The following ANO6 variants were observed in gnomAD, a reference collection of about 807,000 sequenced individuals.
ANO6 encodes the protein anoctamin 6.
In ANO6, 106 loss-of-function variants were observed where a neutral mutation model predicts 117.5. That is an observed-to-expected ratio of 0.90 (90% CI 0.77 to 1.06). The LOEUF (loss-of-function observed/expected upper bound fraction) is 1.06, where lower values mean the gene tolerates loss of function less well. Among genes scored for constraint, ANO6 ranks in the 50% least tolerant of loss-of-function variants. The probability of loss-of-function intolerance (pLI) is 0.00; values close to 1 mark genes in which losing one functional copy is unlikely to be tolerated. For synonymous variants in ANO6, 367 were observed against 385.1 expected, an observed-to-expected ratio of 0.95 and a Z score of 0.55; for missense variants, 955 against 1,121.1, an observed-to-expected ratio of 0.85 and a Z score of 2.12.
chr12:45,359,730 A>C (rs1941505193), intron 8 of ANO6, among the ~76,000 whole-genome samples: 1 of 152,226 alleles, frequency 6.6e-6, no homozygotes, highest in Non-Finnish European at 1.5e-5. Flanking sequence ...GGTTATTATG[A>C]ATAATTCTGC....
chr12:45,342,197 C>G (rs1451652878), intron 3 of ANO6, among the ~76,000 whole-genome samples: 1 of 152,140 alleles, frequency 6.6e-6, no homozygotes, highest in African/African-American at 2.4e-5. Context: ...TTTGTTGGAA[C>G]AAAATCCGAG....
In ANO6 at chr12:45,386,198, G is replaced by A. The variant is rs191706120; in HGVS notation, c.1166-1963G>A. Among the ~76,000 whole-genome samples, 676 of 152,274 alleles carry A rather than the reference G, an allele frequency of 4.4e-3. 6 individuals carry two copies. Among genetic ancestry groups the A allele is most frequent in the African/African-American group, 0.015 (624 of 41,556 alleles). ...CCCTGGTCCTTCTTACCTGCAGCCA[G>A]GGTGTGATTACTACCCTGCATCTCA... On this transcript the variant is annotated intron_variant, in intron 10 of 19. Coordinates refer to ENST00000320560, the MANE Select transcript of ANO6 (RefSeq NM_001025356.3).
chr12:45,398,332 A>G (rs986339752), intron 12 of ANO6, among the ~76,000 whole-genome samples: 1 of 152,364 alleles, frequency 6.6e-6, no homozygotes, highest in African/African-American at 2.4e-5. Flanking sequence ...CTCACATTAA[A>G]GTGAGATATG....
chr12:45,285,762 C>G (rs1938893993), intron 1 of ANO6, among the ~76,000 whole-genome samples: 1 of 151,914 alleles, frequency 6.6e-6, no homozygotes, highest in Non-Finnish European at 1.5e-5. Context: ...AAAAAAGGCT[C>G]CCAAGTAATT....
chr12:45,367,854 T>G, intron 9 of ANO6, 61 bp downstream of exon 9: 1 of 1,199,326 alleles, frequency 8.3e-7, no homozygotes, highest in Non-Finnish European at 1.2e-6. Flanking sequence ...AATGCTAATT[T>G]AGATAAAACA....
chr12:45,284,772 T>C (rs767996401), intron 1 of ANO6, among the ~76,000 whole-genome samples: 9 of 152,200 alleles, frequency 5.9e-5, no homozygotes, highest in Non-Finnish European at 1.0e-4. Flanking sequence ...ATGATAGTTA[T>C]TATGTGTGAA....
At chr12:45,224,000 T>G (rs745529666) in intron 1 of ANO6, among the ~76,000 whole-genome samples, 2 of 152,198 alleles carry the variant, frequency 1.3e-5, no homozygotes, top group African/African-American at 4.8e-5. Context: ...CCCCCAGTTA[T>G]CTGTTCTAAA....
At chr12:45,217,767 GATGATTAC>G (rs1386735561) in intron 1 of ANO6, among the ~76,000 whole-genome samples, 3 of 152,186 alleles carry the variant, frequency 2.0e-5, no homozygotes, top group Non-Finnish European at 4.4e-5. Flanking sequence ...AGTAGTACCT[GATGATTAC>G]ATAAAAATAT....
chr12:45,263,346 AAC>A (rs1938107965), intron 1 of ANO6, among the ~76,000 whole-genome samples: 1 of 148,394 alleles, frequency 6.7e-6, no homozygotes, highest in Non-Finnish European at 1.5e-5. Context: ...CTGGGACTAC[AAC>A]CATCATGCCT....
chr12:45,290,337 C>T (rs891361979), intron 1 of ANO6, among the ~76,000 whole-genome samples: 7 of 151,950 alleles, frequency 4.6e-5, no homozygotes, highest in Non-Finnish European at 1.0e-4. Flanking sequence ...ATCAGGCCTA[C>T]TCTGATAGGT....
At chr12:45,314,545 C>T (rs1487704103) in intron 2 of ANO6, among the ~76,000 whole-genome samples, 1 of 150,488 alleles carries the variant, frequency 6.6e-6, no homozygotes, top group Non-Finnish European at 1.5e-5. Flanking sequence ...TATATATACA[C>T]ATATATGTGT....
Position 45,322,639 on chromosome 12 carries a change from A to G in ANO6, c.151-8656A>G, listed in dbSNP as rs541025411. Among the ~76,000 whole-genome samples the G allele has an allele frequency of 3.2e-4, 48 of 152,266 alleles. No individual in the cohort carries two copies. The South Asian group carries it at 1.0e-2, about 32-fold the overall frequency. On this transcript the variant is annotated intron_variant, in intron 2 of 19. Transcript: ENST00000320560. ...ATGCAAGGAGACCAGTGGGTTGTTAATTGTAACCTCATTAGTAGCGGTCAA... is the reference window on the plus strand; with the variant it reads ...ATGCAAGGAGACCAGTGGGTTGTTAGTTGTAACCTCATTAGTAGCGGTCAA...
chr12:45,389,015 T>C (rs1026374727), intron 11 of ANO6, among the ~76,000 whole-genome samples: 1 of 152,240 alleles, frequency 6.6e-6, no homozygotes, highest in Non-Finnish European at 1.5e-5. Flanking sequence ...CACAGAAAAC[T>C]TTGAGCTGAT....
chr12:45,431,013 G>A lies in ANO6; in HGVS notation c.*1702G>A. 1 of 985,368 alleles carries A rather than the reference G, an allele frequency of 1.0e-6. No homozygotes were observed. The highest frequency in any genetic ancestry group is 1.2e-6 in the Non-Finnish European group (1 of 829,934). The allele number at this position is 985,368 out of a possible 1,614,324, so 61.0% of individuals were successfully genotyped here. A position where few individuals can be genotyped will look rare whatever the true frequency, so the allele number is the denominator to read the frequency against. ...TTACAATAAAGTAGCGTAACTCTAG[G>A]TCATGATTGATTTCAAATGCCTGCC... On this transcript the variant is annotated 3_prime_UTR_variant, in exon 20 of 20. Transcript: ENST00000320560.
intron 3 of ANO6, among the ~76,000 whole-genome samples, chr12:45,341,734 C>T (rs764901646): frequency 4.0e-4 from 61 of 152,190 alleles, no homozygotes; most frequent in Non-Finnish European, 3.2e-4. Flanking sequence ...ACTGCAGGGA[C>T]GAAGGGTCAT....
At chr12:45,314,485 AC>A (rs2137342488) in intron 2 of ANO6, among the ~76,000 whole-genome samples, 1 of 150,226 alleles carries the variant, frequency 6.7e-6, no homozygotes, top group East Asian at 2.0e-4. Context: ...ACACACACAC[AC>A]ACACACATAT....
rs1170515914 is a variant in ANO6 at position 45,432,300 on chromosome 12, ATAT to A, written c.*2991_*2993del. 21 of 906,474 alleles carry A rather than the reference ATAT, an allele frequency of 2.3e-5. No individual in the cohort carries two copies. Among genetic ancestry groups the A allele is most frequent in the African/African-American group, 5.4e-5 (3 of 55,500 alleles). The allele number at this position is 906,474 out of a possible 1,614,324, so 56.2% of individuals were successfully genotyped here. On this transcript the variant is annotated 3_prime_UTR_variant, in exon 20 of 20. Coordinates refer to ENST00000320560, the MANE Select transcript of ANO6 (RefSeq NM_001025356.3). ...TTAATGTTAATTTCTGTGCATTTTA[ATAT>A]TCTTTTATAATTATGAGCATTTTAA...
At chr12:45,366,827 C>A (rs1299768593) in intron 8 of ANO6, among the ~76,000 whole-genome samples, 1 of 152,082 alleles carries the variant, frequency 6.6e-6, no homozygotes, top group East Asian at 1.9e-4. Context: ...TATTCTTGAA[C>A]ACTTTATATT....
chr12:45,416,952 G>A, intron 17 of ANO6, 48 bp downstream of exon 17: 1 of 1,576,944 alleles, frequency 6.3e-7, no homozygotes, highest in Non-Finnish European at 8.7e-7. Flanking sequence ...AGATGCATTA[G>A]ATTTGCTACC....
Sources: allele counts gnomAD v4.1 joint callset (sites outside exome capture counted in the v4.1 genomes callset), GRCh38; gene constraint gnomAD v4.1.1; transcripts MANE v1.5; gene names NCBI Gene and HGNC (gene_info 2026-07-23, HGNC 2026-07-21).